PNPLA8: variants seen among roughly 807,000 people sequenced by gnomAD.
PNPLA8 encodes the protein patatin like domain 8, phospholipase A2.
In PNPLA8, 39 loss-of-function variants were observed where a neutral mutation model predicts 76.9. The ratio of observed to expected loss-of-function variants is 0.51; its 90% confidence interval spans 0.39 to 0.66. The LOEUF is 0.66. Among genes scored for constraint, PNPLA8 ranks in the 30% least tolerant of loss-of-function variants. The probability of loss-of-function intolerance (pLI) is 0.00; values close to 1 mark genes in which losing one functional copy is unlikely to be tolerated. For synonymous variants in PNPLA8, 301 were observed against 307.9 expected, an observed-to-expected ratio of 0.98 and a Z score of 0.24; for missense variants, 887 against 918.0, an observed-to-expected ratio of 0.97 and a Z score of 0.44.
In PNPLA8 at chr7:108,479,903, T is replaced by C. The variant is rs567750650; in HGVS notation, c.1879-524A>G. Among the ~76,000 whole-genome samples the C allele has an allele frequency of 3.8e-4, 58 of 152,302 alleles. 1 individual carries two copies. The highest frequency in any genetic ancestry group is 1.4e-3 in the African/African-American group (57 of 41,566). On this transcript the variant is annotated intron_variant, in intron 9 of 10. Coordinates refer to ENST00000257694, the MANE Select transcript of PNPLA8 (RefSeq NM_001256007.3). ...TCTAAGTATGTATCAATATCAATAT[T>C]ATTTTGAAGACTTCAAAAGGAAACA...
chr7:108,522,509 T>C (rs1240488964), intron 1 of PNPLA8, among the ~76,000 whole-genome samples: 1 of 152,146 alleles, frequency 6.6e-6, no homozygotes, highest in Non-Finnish European at 1.5e-5. Flanking sequence ...TGAGTTGTCC[T>C]GCCCTTCCAA....
At chr7:108,507,592 G>A (rs941324487) in intron 4 of PNPLA8, among the ~76,000 whole-genome samples, 1 of 152,054 alleles carries the variant, frequency 6.6e-6, no homozygotes, top group Non-Finnish European at 1.5e-5. Flanking sequence ...GTTGCAGTGA[G>A]TGAAGACTAT....
chr7:108,470,944 C>T lies in PNPLA8; in HGVS notation c.*1457G>A, dbSNP rs1047213421. The T allele has an allele frequency of 2.6e-5, 4 of 152,170 alleles. No individual in the cohort carries two copies. Among genetic ancestry groups the T allele is most frequent in the Non-Finnish European group, 4.4e-5 (3 of 68,054 alleles). 9.4% of individuals were successfully genotyped at this position (152,170 alleles called of 1,614,324 possible). A position where few individuals can be genotyped will look rare whatever the true frequency, so the allele number is the denominator to read the frequency against. On this transcript the variant is annotated 3_prime_UTR_variant, in exon 11 of 11. Coordinates refer to ENST00000257694, the MANE Select transcript of PNPLA8 (RefSeq NM_001256007.3). ...CTCTTTGAACCACATCTCACAGCCT[C>T]TGTGAATTGATATTGCAAAGAAGCA...
chr7:108,512,823 G>A (rs1598956865), intron 4 of PNPLA8, among the ~76,000 whole-genome samples: 1 of 151,918 alleles, frequency 6.6e-6, no homozygotes, highest in African/African-American at 2.4e-5. Context: ...TTTTTTCATA[G>A]TATTGAAAGG....
At chr7:108,507,175 G>C (rs925774251) in intron 4 of PNPLA8, among the ~76,000 whole-genome samples, 1 of 151,200 alleles carries the variant, frequency 6.6e-6, no homozygotes, top group Non-Finnish European at 1.5e-5. Context: ...AAACCCCATC[G>C]CTACTAAAGA....
At chr7:108,526,903 C>T (rs577163942), upstream of PNPLA8, among the ~76,000 whole-genome samples, 17 of 152,262 alleles carry the variant, frequency 1.1e-4, no homozygotes, top group South Asian at 2.9e-3. Context: ...AAAAGTTTTG[C>T]GACAGATGAC....
At chr7:108,493,451 C>T (rs1458331336) in intron 7 of PNPLA8, among the ~76,000 whole-genome samples, 1 of 151,776 alleles carries the variant, frequency 6.6e-6, no homozygotes, top group African/African-American at 2.4e-5. Flanking sequence ...GCTCTGTCGC[C>T]CAGACTGGAG....
chr7:108,488,660 A>G (rs1598890275), intron 8 of PNPLA8, among the ~76,000 whole-genome samples: 2 of 152,216 alleles, frequency 1.3e-5, no homozygotes, highest in African/African-American at 4.8e-5. Context: ...TGCTCTTTGA[A>G]AGTATTTTGA....
At chr7:108,500,476 T>C (rs1031450381) in intron 5 of PNPLA8, among the ~76,000 whole-genome samples, 2 of 152,242 alleles carry the variant, frequency 1.3e-5, no homozygotes, top group African/African-American at 2.4e-5. Context: ...TATAATCTTA[T>C]ATTAAATATG....
chr7:108,502,952 A>G (rs959457954), intron 4 of PNPLA8, among the ~76,000 whole-genome samples: 4 of 152,238 alleles, frequency 2.6e-5, no homozygotes, highest in African/African-American at 7.2e-5. Context: ...GGTTAACATT[A>G]TAAATTTTGT....
chr7:108,523,783 T>C (rs1318118861), intron 1 of PNPLA8, among the ~76,000 whole-genome samples: 4 of 152,146 alleles, frequency 2.6e-5, no homozygotes, highest in Non-Finnish European at 5.9e-5. Flanking sequence ...CTGACCACTT[T>C]CTGATGCTGG....
At chr7:108,491,540 T>G in intron 7 of PNPLA8, 73 bp from the exon 8 acceptor site, 2 of 921,048 alleles carry the variant, frequency 2.2e-6, no homozygotes, top group Non-Finnish European at 3.6e-6. Context: ...ACATACAGTA[T>G]GCAATTACTA....
At chr7:108,515,806 A>G (rs1410485099) in intron 2 of PNPLA8, among the ~76,000 whole-genome samples, 1 of 152,236 alleles carries the variant, frequency 6.6e-6, no homozygotes, top group Non-Finnish European at 1.5e-5. Context: ...AGGGAGAAGA[A>G]CTAATTTAGG....
In PNPLA8 at chr7:108,510,644, T is replaced by C. The variant is rs1258989127; in HGVS notation, c.1206+3500A>G. The C allele has an allele frequency of 6.3e-6, 10 of 1,578,376 alleles. No individual in the cohort carries two copies. The East Asian group carries it at 6.7e-5, about 11-fold the overall frequency. ...TAACATGCTGAGGATTGTAGAGCCA[T>C]ATATTGCATGGGGGTACCCCAATCT... On this transcript the variant is annotated intron_variant, in intron 4 of 10. Transcript: ENST00000257694.
At chr7:108,483,930 TA>T (rs1563938530) in intron 9 of PNPLA8, among the ~76,000 whole-genome samples, 2 of 152,242 alleles carry the variant, frequency 1.3e-5, no homozygotes, top group African/African-American at 4.8e-5. Context: ...GCAGAAAAGT[TA>T]TTTTTTTACT....
At chr7:108,518,337 A>G (rs1022311781) in intron 2 of PNPLA8, 1 of 152,252 alleles carries the variant, frequency 6.6e-6, no homozygotes, top group Non-Finnish European at 1.5e-5. Context: ...TGTTGCCAAA[A>G]GCAGTGTGTA....
intron 5 of PNPLA8, among the ~76,000 whole-genome samples, chr7:108,500,153 C>A (rs960145026): frequency 1.3e-5 from 2 of 152,106 alleles, no homozygotes; most frequent in Non-Finnish European, 2.9e-5. Flanking sequence ...CATAGTAGGC[C>A]CCCAATATTT....
chr7:108,511,002 A>G (rs1862878656), intron 4 of PNPLA8: 8 of 1,347,216 alleles, frequency 5.9e-6, no homozygotes, highest in South Asian at 5.9e-5. Context: ...TATTTCTCTA[A>G]GCTGGTTGGT....
chr7:108,501,268 C>CA (rs1197377528), intron 5 of PNPLA8, among the ~76,000 whole-genome samples: 5 of 152,050 alleles, frequency 3.3e-5, no homozygotes, highest in African/African-American at 1.2e-4. Flanking sequence ...AAAACCAAGC[C>CA]AAAAAATCTA....
Sources: allele counts gnomAD v4.1 joint callset (sites outside exome capture counted in the v4.1 genomes callset), GRCh38; gene constraint gnomAD v4.1.1; transcripts MANE v1.5; gene names NCBI Gene and HGNC (gene_info 2026-07-23, HGNC 2026-07-21).